TMTC1: variants seen among roughly 807,000 people sequenced by gnomAD.
TMTC1 encodes the protein protein O-mannosyl-transferase TMTC1.
In TMTC1, 73 loss-of-function variants were observed where a neutral mutation model predicts 104.8. The observed-to-expected ratio is 0.70, with a 90% CI of 0.58 to 0.85. TMTC1 has a LOEUF of 0.85. TMTC1 is among the 40% of genes least tolerant of loss of function. The pLI is 0.00. For missense variants in TMTC1, 1,035 were observed against 1,096.1 expected, an observed-to-expected ratio of 0.94 and a Z score of 0.79; for synonymous variants, 434 against 428.7, an observed-to-expected ratio of 1.01 and a Z score of -0.15.
At chr12:29,709,870 A>G (rs964119830) in intron 5 of TMTC1, among the ~76,000 whole-genome samples, 7 of 152,234 alleles carry the variant, frequency 4.6e-5, no homozygotes, top group African/African-American at 1.7e-4. Flanking sequence ...AGGTTGCTAT[A>G]GGAGTTTAAC....
intron 7 of TMTC1, among the ~76,000 whole-genome samples, chr12:29,598,991 T>C (rs151116884): frequency 1.0e-3 from 157 of 152,336 alleles, no homozygotes; most frequent in Non-Finnish European, 1.1e-3. Context: ...CCATTCATTC[T>C]TTTCCTCTCT....
intron 6 of TMTC1, among the ~76,000 whole-genome samples, chr12:29,605,007 T>G (rs1169581085): frequency 6.6e-6 from 1 of 152,144 alleles, no homozygotes; most frequent in Non-Finnish European, 1.5e-5. Context: ...AGAAAAAAAC[T>G]TCTGTTTATT....
chr12:29,621,933 A>G (rs982768425), intron 6 of TMTC1, among the ~76,000 whole-genome samples: 1 of 151,674 alleles, frequency 6.6e-6, no homozygotes, highest in African/African-American at 2.4e-5. Context: ...CAGGTTGCAG[A>G]TTTTTCCCCA....
intron 6 of TMTC1, among the ~76,000 whole-genome samples, chr12:29,618,601 T>G (rs921134711): frequency 6.6e-6 from 1 of 152,074 alleles, no homozygotes; most frequent in Admixed American, 6.6e-5. Context: ...GGGTTGTATT[T>G]ATCACCCTTG....
chr12:29,703,097 T>C (rs1941644492), intron 5 of TMTC1, among the ~76,000 whole-genome samples: 1 of 151,558 alleles, frequency 6.6e-6, no homozygotes. Context: ...TGAGCCAAGA[T>C]TGCTCCATTG....
intron 7 of TMTC1, among the ~76,000 whole-genome samples, chr12:29,589,649 A>G (rs1028641322): frequency 1.3e-5 from 2 of 152,206 alleles, no homozygotes; most frequent in Admixed American, 1.3e-4. Flanking sequence ...GAACACTGGG[A>G]TCCCAACAAC....
chr12:29,597,242 CT>C (rs36063501), intron 7 of TMTC1, among the ~76,000 whole-genome samples: 14,209 of 123,842 alleles, frequency 0.11, 600 homozygotes, highest in Middle Eastern at 0.21. Flanking sequence ...TCTTTTCTTT[CT>C]TTTTTTTTTT....
intron 5 of TMTC1, among the ~76,000 whole-genome samples, chr12:29,661,696 A>G (rs1442897232): frequency 6.6e-6 from 1 of 152,144 alleles, no homozygotes; most frequent in Non-Finnish European, 1.5e-5. Flanking sequence ...TCAGCCTCCC[A>G]AAGTGCTGAG....
chr12:29,520,608 T>C lies in TMTC1; in HGVS notation c.1888+10A>G, dbSNP rs1318415112. On this transcript the variant is annotated intron_variant, in intron 12 of 17. Transcript: ENST00000539277. ...TCTCAGCAGTACAGTTTCTCTTTAA[T>C]TTCACTTACCAGTATCAACTAAGAA... The C allele has an allele frequency of 6.2e-7, 1 of 1,602,152 alleles. No individual in the cohort carries two copies. Among genetic ancestry groups the C allele is most frequent in the Non-Finnish European group, 8.5e-7 (1 of 1,171,558 alleles).
chr12:29,697,703 C>G (rs1031819376), intron 5 of TMTC1, among the ~76,000 whole-genome samples: 1 of 152,084 alleles, frequency 6.6e-6, no homozygotes, highest in African/African-American at 2.4e-5. Context: ...AGTGTGAAGG[C>G]AGGAAGAGCT....
chr12:29,617,071 A>T (rs1412419913), intron 6 of TMTC1, among the ~76,000 whole-genome samples: 5 of 152,030 alleles, frequency 3.3e-5, no homozygotes, highest in Non-Finnish European at 7.3e-5. Context: ...GCACTGTCCT[A>T]TACCTACATA....
chr12:29,752,130 C>CAG (rs1299006595), intron 4 of TMTC1, among the ~76,000 whole-genome samples: 1 of 151,032 alleles, frequency 6.6e-6, no homozygotes, highest in Non-Finnish European at 1.5e-5. Context: ...TGGCCACCAA[C>CAG]ACACACACAC....
At position 29,514,517 on chromosome 12, in the gene TMTC1, A is replaced by T. The variant is rs768487943; in HGVS notation, c.2395T>A (p.Leu799Ile). The change falls in exon 16 of 18, where the codon TTA (leucine) becomes ATA (isoleucine). Residue 799 changes from leucine to isoleucine, a missense_variant. By Grantham distance (5) the Leu-to-Ile change is conservative. Coordinates refer to ENST00000539277, the MANE Select transcript of TMTC1 (RefSeq NM_001193451.2). ...SELFFTKGNQ[L>I]REQNLLDKAF... Reference sequence around the variant, plus strand: ...TTGTCGAGAAGGTTCTGCTCTCTTAATTGGTTTCCTTTTGTGAAAAAAAGT... The same window carrying T: ...TTGTCGAGAAGGTTCTGCTCTCTTATTTGGTTTCCTTTTGTGAAAAAAAGT... 6.2e-7 allele frequency: 1 copy of T among 1,613,946 alleles called. No individual in the cohort carries two copies. The highest frequency in any genetic ancestry group is 1.7e-5 in the Admixed American group (1 of 59,982).
chr12:29,759,289 A>T (rs1943289312), intron 2 of TMTC1, among the ~76,000 whole-genome samples: 1 of 152,166 alleles, frequency 6.6e-6, no homozygotes, highest in Non-Finnish European at 1.5e-5. Context: ...TGAGTTAACG[A>T]GTTCAAGACC....
At chr12:29,782,447 C>T (rs1472502434) in intron 1 of TMTC1, among the ~76,000 whole-genome samples, 3 of 116,916 alleles carry the variant, frequency 2.6e-5, no homozygotes, top group Non-Finnish European at 5.4e-5. Flanking sequence ...AACACGGGTT[C>T]CTATTACACC....
Position 29,506,895 on chromosome 12 carries a change from T to C in TMTC1, c.2600A>G (p.Asp867Gly). 1 of 1,614,132 alleles carries C rather than the reference T, an allele frequency of 6.2e-7. No homozygotes were observed. Among genetic ancestry groups the C allele is most frequent in the Admixed American group, 1.7e-5 (1 of 60,018 alleles). Residue 867 changes from aspartate to glycine, a missense_variant, in exon 18 of 18, where the codon GAT becomes GGT. Physicochemically the swap from Asp to Gly is moderately conservative, Grantham distance 94 (BLOSUM62 -1). Coordinates refer to ENST00000539277, the MANE Select transcript of TMTC1 (RefSeq NM_001193451.2). ...KLLKENLAKLDRLEKRLQEVR... is the reference protein window; with the variant it reads ...KLLKENLAKLGRLEKRLQEVR... ...TTCTTGTAATCGTTTTTCTAGGCGATCCAATTTGGCAAGATTTTCCTTCAG... is the reference window on the plus strand; with the variant it reads ...TTCTTGTAATCGTTTTTCTAGGCGACCCAATTTGGCAAGATTTTCCTTCAG...
chr12:29,624,255 C>T (rs1937849259), intron 6 of TMTC1, among the ~76,000 whole-genome samples: 3 of 152,156 alleles, frequency 2.0e-5, no homozygotes, highest in African/African-American at 4.8e-5. Flanking sequence ...GCTGGGATTA[C>T]AGGCGTGAGC....
At chr12:29,630,345 T>C (rs967802012) in intron 6 of TMTC1, among the ~76,000 whole-genome samples, 2 of 151,992 alleles carry the variant, frequency 1.3e-5, no homozygotes, top group African/African-American at 4.8e-5. Flanking sequence ...ACAGAATGAG[T>C]GCTGAGCAAA....
rs17854190 is a variant in TMTC1, at chr12:29,512,111, C to T, written c.2440G>A (p.Val814Met). The T allele has an allele frequency of 1.9e-6, 3 of 1,610,752 alleles. No individual in the cohort carries two copies. Among genetic ancestry groups the T allele is most frequent in the East Asian group, 4.5e-5 (2 of 44,800 alleles). Reference sequence around the variant, plus strand: ...TGGTCTGGGTTTAGTTGCACAGCCACTCTATAGCTCTAAATAAATAAGAAA... The same window carrying T: ...TGGTCTGGGTTTAGTTGCACAGCCATTCTATAGCTCTAAATAAATAAGAAA... ...LLDKAFESYR[V>M]AVQLNPDQAQ... is the part of the protein sequence containing the mutation. The change falls in exon 17 of 18, where the codon GTG (valine) becomes ATG (methionine). Residue 814 changes from valine to methionine, a missense_variant. Coordinates refer to ENST00000539277, the MANE Select transcript of TMTC1 (RefSeq NM_001193451.2).
Sources: gnomAD v4.1 joint callset for allele counts (sites outside exome capture counted in the v4.1 genomes callset) on GRCh38, gnomAD v4.1.1 for gene constraint, MANE v1.5 for transcripts, NCBI Gene and HGNC (gene_info 2026-07-23, HGNC 2026-07-21) for gene names.